LCORL: variants seen among roughly 807,000 people sequenced by gnomAD.
LCORL encodes ligand-dependent nuclear receptor corepressor-like protein.
LCORL carries 41 observed loss-of-function variants against 141.8 expected under a neutral mutation model. That is an observed-to-expected ratio of 0.29 (90% CI 0.23 to 0.38). The LOEUF is 0.38. Ranked by LOEUF, LCORL falls within the 10% of genes least tolerant of loss-of-function variation. The pLI, the probability that LCORL is intolerant of heterozygous loss-of-function variation, is 1.00. For synonymous variants in LCORL, 618 were observed against 694.1 expected, an observed-to-expected ratio of 0.89 and a Z score of 1.72; for missense variants, 1,759 against 2,035.0, an observed-to-expected ratio of 0.86 and a Z score of 2.61.
intron 6 of LCORL, chr4:17,883,805 T>C (rs1577323004): frequency 3.9e-6 from 6 of 1,550,550 alleles, no homozygotes; most frequent in Non-Finnish European, 4.4e-6. Context: ...TCGTAGTTTC[T>C]TCTTCGGAGG....
At chr4:17,843,181 T>C (rs1722588276) in exon 8 of LCORL, 1 of 1,075,630 alleles carries the variant, frequency 9.3e-7, no homozygotes, top group Non-Finnish European at 1.3e-6. Flanking sequence ...GCTAAGTCAA[T>C]GGAATCAGGC....
intron 4 of LCORL, among the ~76,000 whole-genome samples, chr4:17,937,679 T>C (rs34683079): frequency 0.24 from 36,997 of 152,106 alleles, 5,862 homozygotes; most frequent in African/African-American, 0.45. Flanking sequence ...AACAGCAGCA[T>C]GCACCCTTGC....
intron 1 of LCORL, among the ~76,000 whole-genome samples, chr4:17,987,012 T>A (rs35348660): frequency 0.23 from 34,942 of 152,094 alleles, 4,986 homozygotes; most frequent in African/African-American, 0.4. Flanking sequence ...TTTTTGAAAG[T>A]CAAAAATCAT....
intron 5 of LCORL, among the ~76,000 whole-genome samples, chr4:17,907,202 C>G (rs1201519994): frequency 1.3e-5 from 2 of 152,166 alleles, no homozygotes; most frequent in Non-Finnish European, 2.9e-5. Context: ...AACAGCCATA[C>G]AAGTATTTAT....
At chr4:17,916,174 T>C (rs1733369994) in intron 4 of LCORL, among the ~76,000 whole-genome samples, 1 of 152,196 alleles carries the variant, frequency 6.6e-6, no homozygotes. Context: ...CCCTAATTTT[T>C]GTTTTCTTAC....
intron 7 of LCORL, among the ~76,000 whole-genome samples, chr4:17,866,768 A>G (rs139283807): frequency 5.2e-4 from 79 of 152,328 alleles, no homozygotes; most frequent in Middle Eastern, 3.4e-3. Context: ...GCTCAGCTCC[A>G]TGACAAGAAA....
At chr4:17,979,638 C>T (rs1717623977) in intron 1 of LCORL, among the ~76,000 whole-genome samples, 1 of 152,136 alleles carries the variant, frequency 6.6e-6, no homozygotes. Flanking sequence ...ATGCGTCTTG[C>T]TCATCTTGCC....
chr4:18,002,686 T>C (rs1722164299), intron 1 of LCORL, among the ~76,000 whole-genome samples: 1 of 152,220 alleles, frequency 6.6e-6, no homozygotes, highest in African/African-American at 2.4e-5. Context: ...GAATTTGTTA[T>C]ATTGTTAAAG....
At chr4:17,967,376 A>G (rs1271355941) in intron 2 of LCORL, among the ~76,000 whole-genome samples, 1 of 152,142 alleles carries the variant, frequency 6.6e-6, no homozygotes, top group Admixed American at 6.5e-5. Context: ...AAAACTGCAC[A>G]ACACATAGAG....
At chr4:17,975,111 T>C (rs1472463006) in intron 1 of LCORL, among the ~76,000 whole-genome samples, 9 of 152,092 alleles carry the variant, frequency 5.9e-5, no homozygotes, top group African/African-American at 2.4e-5. Context: ...CTTCTAATTA[T>C]TTTTTATTTT....
chr4:17,870,766 T>G (rs16895924), intron 7 of LCORL, among the ~76,000 whole-genome samples: 1 of 152,142 alleles, frequency 6.6e-6, no homozygotes, highest in Non-Finnish European at 1.5e-5. Flanking sequence ...AAGAGCATAT[T>G]GTAGACATTC....
chr4:17,998,957 C>T (rs1425232561), intron 1 of LCORL, among the ~76,000 whole-genome samples: 2 of 82,236 alleles, frequency 2.4e-5, no homozygotes, highest in African/African-American at 5.3e-5. Context: ...AGAGTGAGAC[C>T]CTGTCTCAAA....
chr4:17,863,317 A>C (rs1725231672), intron 7 of LCORL, among the ~76,000 whole-genome samples: 1 of 152,244 alleles, frequency 6.6e-6, no homozygotes, highest in Non-Finnish European at 1.5e-5. Context: ...CTCTGTCTCA[A>C]AAAAACAAAA....
At chr4:17,930,458 T>C (rs1316640173) in intron 4 of LCORL, among the ~76,000 whole-genome samples, 1 of 152,244 alleles carries the variant, frequency 6.6e-6, no homozygotes, top group African/African-American at 2.4e-5. Context: ...TTAGTTGGAA[T>C]GCTGCCAGTG....
At chr4:17,888,094 A>C (rs916257630) in intron 5 of LCORL, among the ~76,000 whole-genome samples, 2 of 152,100 alleles carry the variant, frequency 1.3e-5, no homozygotes, top group Non-Finnish European at 2.9e-5. Context: ...ACAGACTATA[A>C]GCTATGTGAA....
At chr4:17,926,386 G>C (rs994745739) in intron 4 of LCORL, among the ~76,000 whole-genome samples, 2 of 152,162 alleles carry the variant, frequency 1.3e-5, no homozygotes, top group African/African-American at 2.4e-5. Context: ...AATTAGTCTG[G>C]CTAAGTCTTC....
chr4:17,984,994 G>C (rs1352088982), intron 1 of LCORL, among the ~76,000 whole-genome samples: 1 of 151,922 alleles, frequency 6.6e-6, no homozygotes, highest in Non-Finnish European at 1.5e-5. Context: ...GCTGATTTTT[G>C]CTTTAATTTC....
At chr4:17,848,663 T>C (rs6815425) in intron 7 of LCORL, among the ~76,000 whole-genome samples, 17,685 of 152,040 alleles carry the variant, frequency 0.12, 1,141 homozygotes, top group South Asian at 0.24. Flanking sequence ...CACTAGGGAG[T>C]GCCAGACAGT....
exon 7 of LCORL, chr4:17,878,084 G>A: frequency 8.1e-7 from 1 of 1,230,528 alleles, no homozygotes; most frequent in Non-Finnish European, 1.0e-6. Flanking sequence ...TCTGCTCTTG[G>A]ACTAGAAATT....
Sources: allele counts gnomAD v4.1 joint callset (sites outside exome capture counted in the v4.1 genomes callset), GRCh38; gene constraint gnomAD v4.1.1; transcripts MANE v1.5; gene names NCBI Gene and HGNC (gene_info 2026-07-23, HGNC 2026-07-21).